The following KCNU1 variants were observed in gnomAD, a reference collection of about 807,000 sequenced individuals.
KCNU1 encodes potassium calcium-activated channel subfamily U member 1.
KCNU1 carries 93 observed loss-of-function variants against 126.8 expected under a neutral mutation model. The observed-to-expected ratio is 0.73, with a 90% confidence interval of 0.62 to 0.87. KCNU1 has a LOEUF of 0.87. Among genes scored for constraint, KCNU1 ranks in the 40% least tolerant of loss-of-function variants. The probability of loss-of-function intolerance (pLI) is 0.00; values close to 1 mark genes in which losing one functional copy is unlikely to be tolerated. For missense variants in KCNU1, 1,330 were observed against 1,367.1 expected, an observed-to-expected ratio of 0.97 and a Z score of 0.43; for synonymous variants, 523 against 494.2, an observed-to-expected ratio of 1.06 and a Z score of -0.77.
At chr8:36,921,259 C>T (rs1475199285) in intron 23 of KCNU1, among the ~76,000 whole-genome samples, 1 of 152,178 alleles carries the variant, frequency 6.6e-6, no homozygotes, top group East Asian at 1.9e-4. Flanking sequence ...GGCCAAGTGA[C>T]ACCTGTACCC....
rs186722089 is a variant in KCNU1 at position 36,813,932 on chromosome 8, T to A, written c.733-275T>A. Among the ~76,000 whole-genome samples the A allele has an allele frequency of 2.4e-3, 373 of 152,250 alleles. 3 individuals are homozygous for A. Among genetic ancestry groups the A allele is most frequent in the African/African-American group, 8.6e-3 (358 of 41,546 alleles). On this transcript the variant is annotated intron_variant, in intron 7 of 26. Coordinates refer to ENST00000399881, the MANE Select transcript of KCNU1 (RefSeq NM_001031836.3). ...CACTTGAAAAGAGAGCCCAGAGGCA[T>A]CTGTCCCCGGTGGAGCTTTTCAAAT...
rs899892568 is a variant in KCNU1 at position 36,823,886 on chromosome 8, G to A, written c.1106+6126G>A. On this transcript the variant is annotated intron_variant, in intron 10 of 26. Coordinates refer to ENST00000399881, the MANE Select transcript of KCNU1 (RefSeq NM_001031836.3). ...GAGTTTTGCTCTTATTGCCCAGGCT[G>A]TAGTGCAATGGTGCGATCTCAGTTC... Among the ~76,000 whole-genome samples the A allele has an allele frequency of 4.6e-4, 64 of 138,294 alleles. No homozygotes were observed. The Admixed American group carries it at 5.0e-3, about 11-fold the overall frequency. The allele number at this position is 138,294 out of a possible 152,430, so 90.7% of individuals were successfully genotyped here. A position where few individuals can be genotyped will look rare whatever the true frequency, so the allele number is the denominator to read the frequency against.
intron 19 of KCNU1, among the ~76,000 whole-genome samples, chr8:36,878,978 T>C (rs982873052): frequency 6.8e-6 from 1 of 147,818 alleles, no homozygotes; most frequent in Non-Finnish European, 1.5e-5. Flanking sequence ...GGCTTTCCTC[T>C]CAGGTGAAAT....
intron 21 of KCNU1, 26 bp downstream of exon 21, chr8:36,909,561 A>G: frequency 7.6e-7 from 1 of 1,317,866 alleles, no homozygotes; most frequent in Non-Finnish European, 1.1e-6. Context: ...GGAAAAGTTA[A>G]TATTTATAAG....
intron 24 of KCNU1, among the ~76,000 whole-genome samples, chr8:36,926,479 C>T (rs951123761): frequency 3.9e-5 from 6 of 151,978 alleles, no homozygotes; most frequent in South Asian, 4.1e-4. Context: ...ATATTAGAGG[C>T]GCCTGCATAA....
intron 19 of KCNU1, among the ~76,000 whole-genome samples, chr8:36,869,652 A>G (rs2117358215): frequency 6.6e-6 from 1 of 152,274 alleles, no homozygotes; most frequent in South Asian, 2.1e-4. Context: ...TATAAGCTTC[A>G]GTTTTCTCAT....
At position 36,909,465 on chromosome 8, in the gene KCNU1, T is replaced by C. The variant is rs1373078386; in HGVS notation, c.2261T>C (p.Ile754Thr). The C allele has an allele frequency of 1.1e-5, 17 of 1,613,556 alleles. No homozygotes were observed. The highest frequency in any genetic ancestry group is 5.5e-5 in the South Asian group (5 of 91,082). ...AAGGAGCTGAAGGACATAGTGTTCA[T>C]TGGGTCTCTGGACTATCTACAGAGA... ...TRKELKDIVF[I>T]GSLDYLQREW... Residue 754 changes from isoleucine (I) to threonine (T), a missense_variant, in exon 21 of 27, where the codon ATT (isoleucine) becomes ACT (threonine). By Grantham distance (89) the Ile-to-Thr change is moderately conservative (BLOSUM62 -1). Around this residue, in one of 3 missense-constraint regions of KCNU1, gnomAD observed 1,054 missense variants for 1,053.9 expected, o/e 1.00. Transcript: ENST00000399881.
At chr8:36,851,435 GA>G (rs1805345236) in intron 18 of KCNU1, among the ~76,000 whole-genome samples, 1 of 150,180 alleles carries the variant, frequency 6.7e-6, no homozygotes, top group Non-Finnish European at 1.5e-5. Context: ...ACCATGTGAA[GA>G]AGGTCCTTGC....
At chr8:36,826,313 G>A (rs367958955) in intron 10 of KCNU1, among the ~76,000 whole-genome samples, 96 of 152,022 alleles carry the variant, frequency 6.3e-4, no homozygotes, top group African/African-American at 2.3e-3. Context: ...GGGTTCAAGT[G>A]ATTCTCCTGC....
Position 36,935,564 on chromosome 8 carries a change from C to CTT in KCNU1, c.3095_3096dup (p.Val1033LeufsTer28). The CTT allele has an allele frequency of 6.2e-7, 1 of 1,612,408 alleles. No homozygotes were observed. The highest frequency in any genetic ancestry group is 8.5e-7 in the Non-Finnish European group (1 of 1,178,932). On this transcript the variant is annotated frameshift_variant, in exon 27 of 27. Transcript: ENST00000399881. LOFTEE classifies it low-confidence loss of function (END_TRUNC). ...TGAGTTCAAGCTGCTGCCTTCAGAT[C>CTT]TTGTGTTTTGTGCCATACCCTTCAG...
intron 10 of KCNU1, among the ~76,000 whole-genome samples, chr8:36,822,091 C>G (rs983829015): frequency 2.0e-5 from 3 of 152,042 alleles, no homozygotes; most frequent in East Asian, 1.9e-4. Context: ...TCTGGGCTAG[C>G]CTTTTGACTC....
chr8:36,798,214 A>G (rs911259109), intron 2 of KCNU1, among the ~76,000 whole-genome samples: 16 of 152,062 alleles, frequency 1.1e-4, no homozygotes, highest in African/African-American at 3.1e-4. Flanking sequence ...CTAAGCTCTG[A>G]TTATTTTATC....
chr8:36,797,325 T>C (rs1182093633), intron 2 of KCNU1, among the ~76,000 whole-genome samples: 2 of 152,174 alleles, frequency 1.3e-5, no homozygotes, highest in Admixed American at 1.3e-4. Context: ...ATTACTTTAA[T>C]TTATTTTTTG....
At position 36,836,389 on chromosome 8, in the gene KCNU1, C is replaced by T. The variant is rs754910728; in HGVS notation, c.1365+24C>T. 1.6e-5 allele frequency: 23 copies of T among 1,433,014 alleles called. No homozygotes were observed. In the South Asian group the frequency reaches 2.1e-4, roughly 13 times the overall value. The allele number at this position is 1,433,014 out of a possible 1,614,324, so 88.8% of individuals were successfully genotyped here. Reference sequence around the variant, plus strand: ...AGGTATAGTAACATTCTAGCATATTCCATCTCCTCCTTTTATCTATATAGC... The same window carrying T: ...AGGTATAGTAACATTCTAGCATATTTCATCTCCTCCTTTTATCTATATAGC... On this transcript the variant is annotated intron_variant, in intron 13 of 26. Transcript: ENST00000399881.
At chr8:36,885,542 A>C (rs1272872141) in intron 19 of KCNU1, among the ~76,000 whole-genome samples, 1 of 152,122 alleles carries the variant, frequency 6.6e-6, no homozygotes, top group Non-Finnish European at 1.5e-5. Context: ...CAACAGAGCA[A>C]AACTCTGTCT....
At chr8:36,801,744 G>C (rs1803315091) in intron 2 of KCNU1, among the ~76,000 whole-genome samples, 1 of 151,896 alleles carries the variant, frequency 6.6e-6, no homozygotes, top group Non-Finnish European at 1.5e-5. Flanking sequence ...GACCACAGTT[G>C]CAACTGAATA....
intron 23 of KCNU1, among the ~76,000 whole-genome samples, chr8:36,919,114 C>T (rs1808239245): frequency 6.6e-6 from 1 of 152,130 alleles, no homozygotes; most frequent in Non-Finnish European, 1.5e-5. Context: ...CTGCCTTCTC[C>T]ACTCTTTTAG....
chr8:36,928,897 C>G, intron 24 of KCNU1: 1 of 625,968 alleles, frequency 1.6e-6, no homozygotes, highest in Non-Finnish European at 2.9e-6. Context: ...TCCATATATT[C>G]TGATCCAGGA....
chr8:36,830,140 A>T (rs10453048), intron 10 of KCNU1, among the ~76,000 whole-genome samples: 1 of 150,284 alleles, frequency 6.7e-6, no homozygotes, highest in African/African-American at 2.4e-5. Flanking sequence ...AATCTTTATA[A>T]ATAAAATAAA....
Sources: gnomAD v4.1 joint callset for allele counts (sites outside exome capture counted in the v4.1 genomes callset) on GRCh38, gnomAD v4.1.1 for gene constraint, gnomAD v4.1.1 regional missense constraint, MANE v1.5 for transcripts, NCBI Gene and HGNC (gene_info 2026-07-23, HGNC 2026-07-21) for gene names.